KIF24: variants seen among roughly 807,000 people sequenced by gnomAD.
KIF24 encodes kinesin family member 24, also known as kinesin-like protein KIF24.
Under a neutral mutation model 118.9 loss-of-function variants are expected in KIF24, and 81 were observed. That is an observed-to-expected ratio of 0.68 (90% CI 0.57 to 0.82). The LOEUF (loss-of-function observed/expected upper bound fraction) is 0.82, where lower values mean the gene tolerates loss of function less well. Ranked by LOEUF, KIF24 falls within the 40% of genes least tolerant of loss-of-function variation. The pLI, the probability that KIF24 is intolerant of heterozygous loss-of-function variation, is 0.00. For missense variants in KIF24, 1,560 were observed against 1,661.6 expected, an observed-to-expected ratio of 0.94 and a Z score of 1.06; for synonymous variants, 599 against 610.0, an observed-to-expected ratio of 0.98 and a Z score of 0.27.
At chr9:34,302,933 G>A (rs923339850) in intron 3 of KIF24, among the ~76,000 whole-genome samples, 2 of 151,772 alleles carry the variant, frequency 1.3e-5, no homozygotes, top group East Asian at 1.9e-4. Context: ...CTGCCAACAC[G>A]TCTGGCTAAT....
At position 34,290,324 on chromosome 9, in the gene KIF24, GT is replaced by G. The variant is rs1563950131; in HGVS notation, c.976del (p.Thr326LeufsTer10). On this transcript the variant is annotated frameshift_variant, in exon 5 of 13. Transcript: ENST00000402558. LOFTEE classifies it high-confidence loss of function. Reference protein sequence around the residue: ...GAGKTYTMIGTHENPGLYALA... With the variant: ...GAGKTYTMIGXHENPGLYALA... ...AGCATACAATCCTGGGTTCTCATGA[GT>G]TCCTATCATGGTGTAGGTCTTTCCA... The G allele has an allele frequency of 1.2e-6, 2 of 1,613,898 alleles. No homozygotes were observed. The highest frequency in any genetic ancestry group is 1.7e-6 in the Non-Finnish European group (2 of 1,179,816).
chr9:34,301,748 G>A (rs1418566111), intron 3 of KIF24, among the ~76,000 whole-genome samples: 1 of 151,872 alleles, frequency 6.6e-6, no homozygotes, highest in Non-Finnish European at 1.5e-5. Context: ...GAGGTGGGAG[G>A]ATCACTTGAG....
chr9:34,254,928 AGAG>A, intron 12 of KIF24, 141 bp downstream of exon 12: 1 of 619,668 alleles, frequency 1.6e-6, no homozygotes, highest in South Asian at 1.9e-5. Context: ...AGGCGTGGCA[AGAG>A]GAGGTGTGAG....
intron 3 of KIF24, among the ~76,000 whole-genome samples, chr9:34,301,270 C>T (rs938216562): frequency 1.3e-5 from 2 of 152,120 alleles, no homozygotes; most frequent in Non-Finnish European, 2.9e-5. Context: ...TATTTTGAGA[C>T]ACAGTCTCCC....
In KIF24 at chr9:34,256,374, T is replaced by C; in HGVS notation, c.3233A>G (p.His1078Arg). 6.2e-7 allele frequency: 1 copy of C among 1,613,814 alleles called. No homozygotes were observed. Among genetic ancestry groups the C allele is most frequent in the Non-Finnish European group, 8.5e-7 (1 of 1,179,870 alleles). Residue 1078 changes from histidine (H) to arginine (R), a missense_variant, in exon 11 of 13, where the codon CAC becomes CGC. By Grantham distance (29) the His-to-Arg change is conservative. Transcript: ENST00000402558. Reference protein sequence around the residue: ...SEQLVQDGATHSLVAESTGGP... With the variant: ...SEQLVQDGATRSLVAESTGGP... ...CCCTGTGCTCTCTGCCACTAGACTG[T>C]GCGTAGCCCCATCCTGGACCAGCTG...
chr9:34,287,773 G>A (rs1224900764), intron 5 of KIF24, among the ~76,000 whole-genome samples: 1 of 152,082 alleles, frequency 6.6e-6, no homozygotes, highest in African/African-American at 2.4e-5. Flanking sequence ...GTGTGTGTCT[G>A]TAGTCCCAGC....
chr9:34,261,915 A>G (rs897519607), intron 9 of KIF24, among the ~76,000 whole-genome samples: 1 of 152,186 alleles, frequency 6.6e-6, no homozygotes, highest in Non-Finnish European at 1.5e-5. Flanking sequence ...GCAAAGGCTT[A>G]GAGATTTCAC....
intron 6 of KIF24, among the ~76,000 whole-genome samples, chr9:34,278,770 T>C (rs1342550636): frequency 6.6e-6 from 1 of 152,166 alleles, no homozygotes; most frequent in Non-Finnish European, 1.5e-5. Flanking sequence ...CTAGGTTCTC[T>C]AGAGAGAACA....
chr9:34,294,205 C>T (rs768382910), intron 4 of KIF24, among the ~76,000 whole-genome samples: 12 of 152,174 alleles, frequency 7.9e-5, no homozygotes, highest in Non-Finnish European at 1.6e-4. Context: ...TCTCCCATCT[C>T]GGCCTCCCAC....
chr9:34,255,559 T>G (rs1232739318), intron 11 of KIF24, among the ~76,000 whole-genome samples, 176 bp downstream of exon 11: 1 of 152,176 alleles, frequency 6.6e-6, no homozygotes, highest in African/African-American at 2.4e-5. Context: ...CCTGGTCTGC[T>G]ATCATTTCTA....
intron 1 of KIF24, among the ~76,000 whole-genome samples, chr9:34,316,327 G>C (rs1032187611): frequency 6.6e-6 from 1 of 151,138 alleles, no homozygotes; most frequent in East Asian, 1.9e-4. Context: ...GCAATAGAGC[G>C]AGACTCTATT....
At chr9:34,315,536 TG>T (rs1837303346) in intron 1 of KIF24, among the ~76,000 whole-genome samples, 1 of 152,224 alleles carries the variant, frequency 6.6e-6, no homozygotes, top group Admixed American at 6.5e-5. Context: ...ACGGCATTTA[TG>T]ACATACATAC....
rs771102052 is a variant in KIF24, at chr9:34,299,483, T to C, written c.814-2369A>G. On this transcript the variant is annotated intron_variant, in intron 3 of 12. Coordinates refer to ENST00000402558, the MANE Select transcript of KIF24 (RefSeq NM_194313.4). Reference sequence around the variant, plus strand: ...AGGTGTGAGCCCATGCTGGCTGATATATATTCTAATATATTATTTGCACCA... The same window carrying C: ...AGGTGTGAGCCCATGCTGGCTGATACATATTCTAATATATTATTTGCACCA... 1.5e-4 allele frequency among the ~76,000 whole-genome samples: 23 copies of C among 151,912 alleles called. No individual in the cohort carries two copies. In the Middle Eastern group the frequency reaches 0.01, roughly 67 times the overall value.
intron 8 of KIF24, among the ~76,000 whole-genome samples, chr9:34,267,886 C>CT (rs749609740): frequency 5.9e-5 from 9 of 152,234 alleles, no homozygotes; most frequent in Non-Finnish European, 4.4e-5. Flanking sequence ...AACATCAACA[C>CT]AAAGATGCAG....
intron 4 of KIF24, among the ~76,000 whole-genome samples, chr9:34,293,477 C>CAAAA (rs35730248): frequency 4.1e-5 from 5 of 122,020 alleles, no homozygotes; most frequent in Non-Finnish European, 8.3e-5. Context: ...GACTCTATCT[C>CAAAA]AAAAAAAAAA....
chr9:34,305,787 G>A (rs555880928), intron 3 of KIF24, among the ~76,000 whole-genome samples: 2 of 152,042 alleles, frequency 1.3e-5, no homozygotes, highest in South Asian at 4.2e-4. Flanking sequence ...GATCTTTTCT[G>A]GAGAGACAGG....
chr9:34,325,344 CAAAA>C (rs35972295), intron 1 of KIF24, among the ~76,000 whole-genome samples: 1 of 118,262 alleles, frequency 8.5e-6, no homozygotes, highest in Non-Finnish European at 1.7e-5. Flanking sequence ...GACTTCGTCT[CAAAA>C]AAAAAAAAAA....
chr9:34,327,710 A>G (rs570368373), intron 1 of KIF24, among the ~76,000 whole-genome samples: 132 of 152,182 alleles, frequency 8.7e-4, no homozygotes, highest in African/African-American at 2.9e-3. Flanking sequence ...ATCTAATTCA[A>G]TTCTTTGATT....
In KIF24 at chr9:34,310,876, T is replaced by C; in HGVS notation, c.471A>G (p.Thr157=). The change falls in exon 2 of 13, where the codon ACA becomes ACG. Residue 157 remains threonine, a synonymous_variant. Transcript: ENST00000402558. Reference sequence around the variant, plus strand: ...CTGTTTGCACATAGGAATCACCAGCTGTGGCATTCAGAATTCCTGTTTTTG... The same window carrying C: ...CTGTTTGCACATAGGAATCACCAGCCGTGGCATTCAGAATTCCTGTTTTTG... ...YHTKTGILNA[T]AGDSYVQTEI... is the part of the protein sequence containing the mutation. 6.2e-7 allele frequency: 1 copy of C among 1,614,036 alleles called. No homozygotes were observed.
Sources: gnomAD v4.1 joint callset for allele counts (sites outside exome capture counted in the v4.1 genomes callset) on GRCh38, gnomAD v4.1.1 for gene constraint, MANE v1.5 for transcripts, NCBI Gene and HGNC (gene_info 2026-07-23, HGNC 2026-07-21) for gene names.